ZCCHC14: variants seen among roughly 807,000 people sequenced by gnomAD.
ZCCHC14 encodes zinc finger CCHC domain-containing protein 14.
A neutral mutation model predicts 85.0 loss-of-function variants in ZCCHC14; 16 were observed. The observed-to-expected ratio is 0.19, with a 90% CI of 0.13 to 0.29. ZCCHC14 has a LOEUF of 0.29. ZCCHC14 is among the 10% of genes least tolerant of loss of function. The pLI is 1.00. For missense variants in ZCCHC14, 1,303 were observed against 1,443.5 expected (o/e 0.90, Z 1.58); for synonymous variants, 775 against 630.7 (o/e 1.23, Z -3.43).
At position 87,417,568 on chromosome 16, in the gene ZCCHC14, G is replaced by A. The variant is rs760812523; in HGVS notation, c.1275C>T (p.Ser425=). 1.2e-6 allele frequency: 2 copies of A among 1,614,158 alleles called. No individual in the cohort carries two copies. Among genetic ancestry groups the A allele is most frequent in the African/African-American group, 2.7e-5 (2 of 74,960 alleles). ...CCTGGGTCTGAGGGGTCTGCAGACTGGAAGGCATGAGGATGGCAGGTGATG... is the reference window on the plus strand; with the variant it reads ...CCTGGGTCTGAGGGGTCTGCAGACTAGAAGGCATGAGGATGGCAGGTGATG... The part of the protein sequence containing the change: ...MDTSPAILMP[S]SLQTPQTQEQ... Residue 425 remains serine, a synonymous_variant, in exon 8 of 13, where the codon TCC becomes TCT. Coordinates refer to ENST00000671377, the MANE Select transcript of ZCCHC14 (RefSeq NM_015144.3).
intron 2 of ZCCHC14, among the ~76,000 whole-genome samples, chr16:87,452,582 G>C (rs186342348): frequency 6.6e-6 from 1 of 152,182 alleles, no homozygotes; most frequent in Non-Finnish European, 1.5e-5. Flanking sequence ...AGAGAGGCAA[G>C]GGGAAAGCCA....
intron 2 of ZCCHC14, among the ~76,000 whole-genome samples, chr16:87,456,480 C>G (rs1030914895): frequency 8.0e-6 from 1 of 125,008 alleles, no homozygotes; most frequent in Non-Finnish European, 1.6e-5. Flanking sequence ...TTGCAGTGAG[C>G]TGTGATTGCG....
intron 2 of ZCCHC14, among the ~76,000 whole-genome samples, chr16:87,437,816 A>G (rs1183748678): frequency 2.0e-5 from 3 of 152,218 alleles, no homozygotes; most frequent in Non-Finnish European, 2.9e-5. Context: ...ATCAACACCT[A>G]CATTTAGAAA....
rs1020866299 is a variant in ZCCHC14, at chr16:87,420,107, G to A, written c.951-230C>T. Among the ~76,000 whole-genome samples the A allele has an allele frequency of 3.9e-5, 6 of 152,154 alleles. No individual in the cohort carries two copies. The highest frequency in any genetic ancestry group is 2.1e-4 in the South Asian group (1 of 4,832). ...TGTATTCATGGCCACCAAGGTTGAC[G>A]ACAGCAGTCATGCCCTGTGACATGA... is the stretch of plus-strand genomic sequence containing the variant. On this transcript the variant is annotated intron_variant, in intron 5 of 12. Coordinates refer to ENST00000671377, the MANE Select transcript of ZCCHC14 (RefSeq NM_015144.3). This position sits in a 1 kb window ranked among gnomAD's most constrained non-coding sequence, Gnocchi z 5.0.
chr16:87,434,922 C>T (rs1254626076), intron 2 of ZCCHC14, among the ~76,000 whole-genome samples: 2 of 133,428 alleles, frequency 1.5e-5, no homozygotes, highest in South Asian at 2.5e-4. Context: ...ACCTGGGAGG[C>T]GGAGGTTGCA....
intron 10 of ZCCHC14, among the ~76,000 whole-genome samples, chr16:87,413,801 T>C (rs1377768023): frequency 1.4e-5 from 2 of 139,430 alleles, no homozygotes; most frequent in Non-Finnish European, 3.1e-5. Flanking sequence ...ACGTGGCCTC[T>C]GGGCACCAGT....
chr16:87,480,220 G>A (rs554462172), intron 1 of ZCCHC14, among the ~76,000 whole-genome samples: 2 of 152,114 alleles, frequency 1.3e-5, no homozygotes, highest in South Asian at 2.1e-4. Context: ...TGGCTAACAC[G>A]GTGAAACTCC....
Position 87,413,171 on chromosome 16 carries a change from G to C in ZCCHC14, c.1628C>G (p.Pro543Arg), listed in dbSNP as rs1331553343. 6.3e-7 allele frequency: 1 copy of C among 1,590,114 alleles called. No individual in the cohort carries two copies. The highest frequency in any genetic ancestry group is 1.3e-5 in the African/African-American group (1 of 74,408). ...GCCTTCCCGGGGCAGCTGGTGATGG[G>C]GCTGCTCCACTTCCACCCGCAGCTC... ...AAELRVEVEQ[P>R]HHQLPREGSS... Residue 543 changes from proline (P) to arginine (R), a missense_variant, in exon 11 of 13, where the codon CCC becomes CGC. Around this residue, in one of 7 missense-constraint regions of ZCCHC14, gnomAD observed 58 missense variants for 88.2 expected, o/e 0.66. Transcript: ENST00000671377.
rs1449247861 is a variant in ZCCHC14 at position 87,408,521 on chromosome 16, A to G, written c.*1759T>C. On this transcript the variant is annotated 3_prime_UTR_variant, in exon 13 of 13. Transcript: ENST00000671377. The stretch of plus-strand genomic sequence containing the variant: ...GTAGTGTTTACAATTTAAGAGATCA[A>G]CGTAACATTCCCCTAAATAGCTGTT... 6.6e-6 allele frequency: 1 copy of G among 152,640 alleles called. No individual in the cohort carries two copies. The highest frequency in any genetic ancestry group is 6.5e-5 in the Admixed American group (1 of 15,284). 9.5% of individuals were successfully genotyped at this position (152,640 alleles called of 1,614,324 possible).
chr16:87,460,693 GA>G (rs1052667255), intron 1 of ZCCHC14, among the ~76,000 whole-genome samples: 8 of 145,470 alleles, frequency 5.5e-5, no homozygotes, highest in African/African-American at 1.0e-4. Flanking sequence ...CTATCTCCAA[GA>G]AAAAAAAAAG....
At chr16:87,414,860 C>T (rs1908698843) in intron 9 of ZCCHC14, among the ~76,000 whole-genome samples, 1 of 152,226 alleles carries the variant, frequency 6.6e-6, no homozygotes, top group Non-Finnish European at 1.5e-5. Context: ...GCGGGCAGAT[C>T]GCCTGAGGTC....
intron 8 of ZCCHC14, among the ~76,000 whole-genome samples, chr16:87,416,574 G>C (rs549785455): frequency 6.6e-6 from 1 of 152,000 alleles, no homozygotes; most frequent in African/African-American, 2.4e-5. Flanking sequence ...GGCCAACATA[G>C]GGAAACCCTG....
chr16:87,471,858 C>G (rs1160530405), intron 1 of ZCCHC14: 2 of 152,332 alleles, frequency 1.3e-5, no homozygotes, highest in African/African-American at 4.8e-5. Flanking sequence ...CAGCATCTTG[C>G]TTGTACTCAT....
In ZCCHC14 at chr16:87,410,131, C is replaced by G. The variant is rs1294280552; in HGVS notation, c.*149G>C. Reference sequence around the variant, plus strand: ...GCAATAAATCGAGTTTGATGCACTTCTACGCTAGATTTTCTATCCAGTCTA... The same window carrying G: ...GCAATAAATCGAGTTTGATGCACTTGTACGCTAGATTTTCTATCCAGTCTA... On this transcript the variant is annotated 3_prime_UTR_variant, in exon 13 of 13. Coordinates refer to ENST00000671377, the MANE Select transcript of ZCCHC14 (RefSeq NM_015144.3). The G allele has an allele frequency of 1.8e-6, 1 of 544,398 alleles. No individual in the cohort carries two copies. Among genetic ancestry groups the G allele is most frequent in the African/African-American group, 1.9e-5 (1 of 51,374 alleles). The allele number at this position is 544,398 out of a possible 1,614,324, so 33.7% of individuals were successfully genotyped here.
chr16:87,452,575 G>GAGGCAAGGGGAAAGCC (rs1181137952), intron 2 of ZCCHC14, among the ~76,000 whole-genome samples: 1 of 152,154 alleles, frequency 6.6e-6, no homozygotes, highest in Non-Finnish European at 1.5e-5. Flanking sequence ...AGGAAACAGA[G>GAGGCAAGGGGAAAGCC]AGGCAAGGGG....
At chr16:87,480,230 C>T (rs781332479) in intron 1 of ZCCHC14, among the ~76,000 whole-genome samples, 4 of 151,930 alleles carry the variant, frequency 2.6e-5, no homozygotes, top group Non-Finnish European at 5.9e-5. Context: ...GGTGAAACTC[C>T]GTCTCTACTA....
At chr16:87,429,470 C>T (rs1036559831) in intron 3 of ZCCHC14, among the ~76,000 whole-genome samples, 12 of 152,158 alleles carry the variant, frequency 7.9e-5, no homozygotes, top group Non-Finnish European at 1.8e-4. Context: ...TGCCACTACA[C>T]CTGGCAGAAC....
intron 1 of ZCCHC14, among the ~76,000 whole-genome samples, chr16:87,478,901 G>A (rs982750132): frequency 1.1e-4 from 17 of 151,894 alleles, no homozygotes; most frequent in Admixed American, 5.9e-4. Flanking sequence ...CACCGCACCC[G>A]GCCAATTTTA....
intron 6 of ZCCHC14, among the ~76,000 whole-genome samples, chr16:87,419,383 C>A (rs147359832): frequency 6.6e-6 from 1 of 152,358 alleles, no homozygotes; most frequent in African/African-American, 2.4e-5. Context: ...TCACTGCAAC[C>A]ACCGCCTCCC....
Sources: gnomAD v4.1 joint callset for allele counts (sites outside exome capture counted in the v4.1 genomes callset) on GRCh38, gnomAD v4.1.1 for gene constraint, gnomAD v4.1.1 regional missense constraint, Gnocchi (gnomAD v3.1) non-coding constraint, MANE v1.5 for transcripts, NCBI Gene and HGNC (gene_info 2026-07-23, HGNC 2026-07-21) for gene names.